Variants in PTK2 observed in about 807,000 individuals in gnomAD.
The protein encoded by PTK2 is focal adhesion kinase 1.
PTK2 carries 45 observed loss-of-function variants against 150.1 expected under a neutral mutation model. The observed-to-expected ratio is 0.30, with a 90% CI of 0.24 to 0.38. PTK2 has a LOEUF of 0.38. PTK2 is among the 10% of genes least tolerant of loss of function. The probability of loss-of-function intolerance (pLI) is 1.00; values close to 1 mark genes in which losing one functional copy is unlikely to be tolerated. For synonymous variants in PTK2, 432 were observed against 449.2 expected, an observed-to-expected ratio of 0.96 and a Z score of 0.48; for missense variants, 919 against 1,307.3, an observed-to-expected ratio of 0.70 and a Z score of 4.58.
intron 27 of PTK2, among the ~76,000 whole-genome samples, chr8:140,676,680 C>A (rs1261683302): frequency 6.9e-6 from 1 of 145,192 alleles, no homozygotes; most frequent in Non-Finnish European, 1.5e-5. Flanking sequence ...GTAATCCCAG[C>A]ACTTTGGGAG....
intron 14 of PTK2, among the ~76,000 whole-genome samples, chr8:140,789,229 G>A (rs1395438136): frequency 6.7e-6 from 1 of 149,018 alleles, no homozygotes; most frequent in Non-Finnish European, 1.5e-5. Context: ...AAATAATTTG[G>A]AATTCTATAC....
chr8:140,979,804 T>G (rs556561589), intron 1 of PTK2, among the ~76,000 whole-genome samples: 1 of 152,338 alleles, frequency 6.6e-6, no homozygotes, highest in Non-Finnish European at 1.5e-5. Flanking sequence ...CTCTCTTGAC[T>G]GCTGCCATCC....
intron 27 of PTK2, among the ~76,000 whole-genome samples, chr8:140,676,411 TTA>T (rs137944645): frequency 0.29 from 10,101 of 34,896 alleles, 857 homozygotes; most frequent in African/African-American, 0.49. Context: ...AATTAATTAA[TTA>T]ATATATATAT....
chr8:140,920,511 A>G (rs2100166998), intron 2 of PTK2, among the ~76,000 whole-genome samples: 1 of 152,194 alleles, frequency 6.6e-6, no homozygotes, highest in Admixed American at 6.5e-5. Context: ...AAAAACTTCC[A>G]TATTACAGAA....
At position 140,834,818 on chromosome 8, in the gene PTK2, G is replaced by T. The variant is rs1303670615; in HGVS notation, c.594-4292C>A. Among the ~76,000 whole-genome samples the T allele has an allele frequency of 3.3e-5, 5 of 152,160 alleles. No homozygotes were observed. The East Asian group carries it at 7.7e-4, about 23-fold the overall frequency. The stretch of plus-strand genomic sequence containing the variant: ...TGTTTAACTGACCTCTATCCTTTAA[G>T]TGAAAGATTTAGAACACTGCTGACT... On this transcript the variant is annotated intron_variant, in intron 7 of 31. Transcript: ENST00000522684.
chr8:140,888,535 A>C (rs1391113665), intron 3 of PTK2, among the ~76,000 whole-genome samples: 2 of 152,230 alleles, frequency 1.3e-5, no homozygotes, highest in Non-Finnish European at 2.9e-5. Context: ...TGATCTTCAC[A>C]AGTTTGCTAA....
At chr8:140,685,384 T>C (rs529928539) in intron 27 of PTK2, among the ~76,000 whole-genome samples, 1 of 152,140 alleles carries the variant, frequency 6.6e-6, no homozygotes, top group African/African-American at 2.4e-5. Context: ...AAACACAAAA[T>C]TACAAATGGG....
chr8:140,853,452 G>A (rs1205338763), intron 5 of PTK2, among the ~76,000 whole-genome samples: 1 of 148,174 alleles, frequency 6.7e-6, no homozygotes, highest in East Asian at 2.0e-4. Flanking sequence ...TTGGTTTTCT[G>A]TCCTTGTGAT....
At chr8:140,834,642 AAT>A (rs1259729673) in intron 7 of PTK2, among the ~76,000 whole-genome samples, 1 of 152,228 alleles carries the variant, frequency 6.6e-6, no homozygotes, top group African/African-American at 2.4e-5. Context: ...AAAAATCGCT[AAT>A]ATGTTTCCTT....
At chr8:140,908,694 G>A (rs1165640925) in intron 2 of PTK2, among the ~76,000 whole-genome samples, 1 of 152,000 alleles carries the variant, frequency 6.6e-6, no homozygotes, top group Non-Finnish European at 1.5e-5. Context: ...TTTGGGGGGG[G>A]ACACAGCCAA....
intron 20 of PTK2, among the ~76,000 whole-genome samples, chr8:140,742,364 A>G (rs1484000418): frequency 6.6e-6 from 1 of 152,210 alleles, no homozygotes; most frequent in Non-Finnish European, 1.5e-5. Flanking sequence ...GGTTTTGTGT[A>G]CAAGTTTTCG....
intron 4 of PTK2, among the ~76,000 whole-genome samples, chr8:140,867,865 G>A (rs577116954): frequency 1.3e-5 from 2 of 152,108 alleles, no homozygotes; most frequent in East Asian, 1.9e-4. Context: ...CCATGTTCTC[G>A]TGCCCCACTA....
intron 1 of PTK2, among the ~76,000 whole-genome samples, chr8:140,989,910 CAAAA>C (rs11400792): frequency 2.9e-5 from 4 of 136,062 alleles, no homozygotes; most frequent in Non-Finnish European, 3.1e-5. Flanking sequence ...CTCTTTGTCT[CAAAA>C]AAAAAAAAAA....
rs779021421 is a variant in PTK2, at chr8:140,890,787, T to G, written c.-32-18A>C. On this transcript the variant is annotated intron_variant, in intron 2 of 31. Transcript: ENST00000522684. ...GTCATATTCTGTTAAAAGAACAAAA[T>G]AATTTTTTGTGTATAATACTTGAAA... 6.3e-7 allele frequency: 1 copy of G among 1,597,316 alleles called. No homozygotes were observed. The highest frequency in any genetic ancestry group is 8.6e-7 in the Non-Finnish European group (1 of 1,165,022).
At chr8:140,833,789 C>T (rs1567217996) in intron 7 of PTK2, among the ~76,000 whole-genome samples, 1 of 152,126 alleles carries the variant, frequency 6.6e-6, no homozygotes, top group African/African-American at 2.4e-5. Flanking sequence ...TGCATTTAAA[C>T]TCATGTAATA....
intron 7 of PTK2, among the ~76,000 whole-genome samples, chr8:140,839,730 G>T (rs892325200): frequency 9.2e-5 from 14 of 152,256 alleles, no homozygotes; most frequent in African/African-American, 3.4e-4. Context: ...CACGAAAAAT[G>T]TAAGAGACAG....
chr8:140,798,638 A>C (rs2100093125), intron 12 of PTK2, among the ~76,000 whole-genome samples: 1 of 152,210 alleles, frequency 6.6e-6, no homozygotes, highest in African/African-American at 2.4e-5. Context: ...TTAATGCCTG[A>C]CATCCGAATG....
intron 2 of PTK2, among the ~76,000 whole-genome samples, chr8:140,915,033 C>CAAAAAAAAAAAAAAAAAA (rs10661609): frequency 1.9e-5 from 1 of 53,088 alleles, no homozygotes; most frequent in Non-Finnish European, 3.4e-5. Context: ...AACTCCAACT[C>CAAAAAAAAAAAAAAAAAA]AAAAAAAAAA....
At chr8:140,820,184 C>T (rs1265724194) in intron 8 of PTK2, among the ~76,000 whole-genome samples, 7 of 144,136 alleles carry the variant, frequency 4.9e-5, no homozygotes, top group Non-Finnish European at 1.1e-4. Flanking sequence ...ACTGCAACCT[C>T]TGCCTCCCAG....
Sources: gnomAD v4.1 joint callset for allele counts (sites outside exome capture counted in the v4.1 genomes callset) on GRCh38, gnomAD v4.1.1 for gene constraint, MANE v1.5 for transcripts, NCBI Gene and HGNC (gene_info 2026-07-23, HGNC 2026-07-21) for gene names.